The following TNS2 variants were observed in gnomAD, a reference collection of about 807,000 sequenced individuals.
TNS2 encodes tensin 2, also known as tensin-2.
In TNS2, 77 loss-of-function variants were observed where a neutral mutation model predicts 155.7. The observed-to-expected ratio is 0.49, with a 90% CI of 0.41 to 0.60. TNS2 has a LOEUF of 0.60. Ranked by LOEUF, TNS2 falls within the 20% of genes least tolerant of loss-of-function variation. The pLI is 0.00. For missense variants in TNS2, 1,703 were observed against 1,868.8 expected, an observed-to-expected ratio of 0.91 and a Z score of 1.64; for synonymous variants, 726 against 763.9, an observed-to-expected ratio of 0.95 and a Z score of 0.82.
chr12:53,058,515 G>A (rs1469031842), intron 15 of TNS2, 57 bp from the exon 16 acceptor site: 2 of 1,613,868 alleles, frequency 1.2e-6, no homozygotes, highest in Admixed American at 1.7e-5. Context: ...GTGGCAGGCA[G>A]GCAGGAGAGT....
chr12:53,048,601 G>A (rs1156628463), upstream of TNS2, among the ~76,000 whole-genome samples: 3 of 152,172 alleles, frequency 2.0e-5, no homozygotes, highest in East Asian at 1.9e-4. Context: ...CACAGAGCCC[G>A]TGCTCCTCTC....
intron 1 of TNS2, 47 bp from the exon 2 acceptor site, chr12:53,051,808 A>G (rs1392925159): frequency 5.5e-6 from 8 of 1,446,808 alleles, no homozygotes; most frequent in East Asian, 2.3e-5. Context: ...GGAGATGGAG[A>G]TGGGCCCACT....
rs781557117 is a variant in TNS2, at chr12:53,059,865, T to C, written c.2224T>C (p.Cys742Arg). ...CCCGCTGCCTCTGCTCTTGCCTGCC[T>C]GTGGGCATCACCATGCCCCGATGCC... ...GHPLPLLLPA[C>R]GHHHAPMPDY... The change falls in exon 18 of 29, where the codon TGT becomes CGT. Residue 742 changes from cysteine to arginine, a missense_variant. Cys to Arg is a radical substitution (Grantham distance 180). Coordinates refer to ENST00000314250, the MANE Select transcript of TNS2 (RefSeq NM_170754.4). The surrounding 1 kb of genome is among the most constrained non-coding windows in gnomAD (Gnocchi z 4.7). 3.1e-6 allele frequency: 5 copies of C among 1,613,078 alleles called. No homozygotes were observed. Among genetic ancestry groups the C allele is most frequent in the Middle Eastern group, 1.7e-4 (1 of 6,032 alleles).
At chr12:53,054,591 G>T (rs1034682207) in intron 7 of TNS2, 150 bp downstream of exon 7, 38 of 1,071,654 alleles carry the variant, frequency 3.5e-5, no homozygotes, top group Middle Eastern at 3.0e-4. Flanking sequence ...AGCGCGGCCT[G>T]GAGCGGAGCG....
Position 53,054,418 on chromosome 12 carries a change from T to A in TNS2, c.499T>A (p.Ser167Thr). The change falls in exon 7 of 29, where the codon TCC (serine) becomes ACC (threonine). Residue 167 changes from serine (S) to threonine (T), a missense_variant. Coordinates refer to ENST00000314250, the MANE Select transcript of TNS2 (RefSeq NM_170754.4). ...GCGCGAGCTGGCCCATGTGCTGCAA[T>A]CCAAGCACCGGGACAAGTACCTGGT... ...HLRELAHVLQ[S>T]KHRDKYLLFN... 1 of 1,604,624 alleles carries A rather than the reference T, an allele frequency of 6.2e-7. No homozygotes were observed. The highest frequency in any genetic ancestry group is 8.5e-7 in the Non-Finnish European group (1 of 1,177,450).
rs938284635 is a variant in TNS2, at chr12:53,062,681, C to T, written c.3807C>T (p.Leu1269=). The T allele has an allele frequency of 2.5e-6, 4 of 1,613,852 alleles. No individual in the cohort carries two copies. The African/African-American group carries it at 4.0e-5, about 16-fold the overall frequency. ...CCAACATGAGCACAGCGGCAGACCT[C>T]CTGCGTCAGGGTGCTGGTAGAGACT... is the stretch of plus-strand genomic sequence containing the variant. ...VPTNMSTAAD[L]LRQGAACSVL... The change falls in exon 25 of 29, where the codon CTC becomes CTT. Residue 1269 remains leucine (L), a synonymous_variant. Coordinates refer to ENST00000314250, the MANE Select transcript of TNS2 (RefSeq NM_170754.4).
intron 3 of TNS2, 141 bp from the exon 4 acceptor site, chr12:53,053,270 A>C: frequency 1.0e-6 from 1 of 959,568 alleles, no homozygotes. Context: ...GGTGCCCTTA[A>C]ATAGCGCAAC....
chr12:53,052,407 T>TC, intron 2 of TNS2, 48 bp from the exon 3 acceptor site: 1 of 1,612,036 alleles, frequency 6.2e-7, no homozygotes. Context: ...TTCCTTCCAC[T>TC]GTCCCACAGG....
chr12:53,058,247 G>A lies in TNS2; in HGVS notation c.1096-69G>A, dbSNP rs1399955176. 2.5e-6 allele frequency: 4 copies of A among 1,603,376 alleles called. No homozygotes were observed. The East Asian group carries it at 8.9e-5, about 36-fold the overall frequency. ...GAGGCAGGGCAGAAGCTGTGACCAG[G>A]CAGTCCCCAGGGTGGAAGCGCAGAA... On this transcript the variant is annotated intron_variant, in intron 14 of 28. Transcript: ENST00000314250.
chr12:53,058,198 G>T, intron 14 of TNS2, 96 bp downstream of exon 14: 1 of 1,607,448 alleles, frequency 6.2e-7, no homozygotes, highest in Non-Finnish European at 8.5e-7. Flanking sequence ...ATTGGAGAGC[G>T]AGTAGGGAGA....
rs1202373517 is a variant in TNS2, at chr12:53,053,544, C to T, written c.261+95C>T. On this transcript the variant is annotated intron_variant, in intron 4 of 28. Coordinates refer to ENST00000314250, the MANE Select transcript of TNS2 (RefSeq NM_170754.4). ...CCAGAGAGGGCCCCCAGGAGATGAC[C>T]TTGAACGGAGTGCTGTGGGTATTGC... The T allele has an allele frequency of 1.2e-5, 19 of 1,523,756 alleles. No homozygotes were observed. In the East Asian group the frequency reaches 3.9e-4, roughly 31 times the overall value. 94.4% of individuals were successfully genotyped at this position (1,523,756 alleles called of 1,614,324 possible).
rs140534652 is a variant in TNS2, at chr12:53,051,883, G to A, written c.104G>A (p.Arg35Gln). The A allele has an allele frequency of 8.7e-6, 14 of 1,613,464 alleles. No individual in the cohort carries two copies. Among genetic ancestry groups the A allele is most frequent in the African/African-American group, 8.0e-5 (6 of 74,862 alleles). ...AGGAAAGCTGAGCCTCATAGCTTCC[G>A]GGAGAAGGTTTTCCGGAAGAAACCT... ...RPRKAEPHSF[R>Q]EKVFRKKPPV... The change falls in exon 2 of 29, where the codon CGG becomes CAG. Residue 35 changes from arginine (R) to glutamine (Q), a missense_variant. By Grantham distance (43) the Arg-to-Gln change is conservative. Coordinates refer to ENST00000314250, the MANE Select transcript of TNS2 (RefSeq NM_170754.4).
At position 53,059,019 on chromosome 12, in the gene TNS2, T is replaced by C; in HGVS notation, c.1406-28T>C. 2 of 1,534,816 alleles carry C rather than the reference T, an allele frequency of 1.3e-6. No homozygotes were observed. On this transcript the variant is annotated intron_variant, in intron 17 of 28. Transcript: ENST00000314250. This position sits in a 1 kb window ranked among gnomAD's most constrained non-coding sequence, Gnocchi z 4.7. ...CTCCCTCCCTGTTCCCCGCTTGCCC[T>C]CCCTCCCTGATCCTCTTCCCCACTC...
chr12:53,056,989 C>A, intron 10 of TNS2, 24 bp from the exon 11 acceptor site: 2 of 1,608,186 alleles, frequency 1.2e-6, no homozygotes, highest in Non-Finnish European at 8.5e-7. Flanking sequence ...CCCTAATCCC[C>A]AACACTGGCC....
At position 53,050,342 on chromosome 12, in the gene TNS2, G is replaced by T; in HGVS notation, c.75+82G>T. 6.9e-7 allele frequency: 1 copy of T among 1,439,998 alleles called. No individual in the cohort carries two copies. The allele number at this position is 1,439,998 out of a possible 1,614,324, so 89.2% of individuals were successfully genotyped here. A position where few individuals can be genotyped will look rare whatever the true frequency, so the allele number is the denominator to read the frequency against. On this transcript the variant is annotated intron_variant, in intron 1 of 28. Coordinates refer to ENST00000314250, the MANE Select transcript of TNS2 (RefSeq NM_170754.4). The surrounding 1 kb of genome is among the most constrained non-coding windows in gnomAD (Gnocchi z 4.7). The stretch of plus-strand genomic sequence containing the variant: ...GGGGAGGGGACCAGGAATCAGGCCA[G>T]GCCTTCTTCCCAATTTCAGCTTCCT...
In TNS2 at chr12:53,055,175, C is replaced by T. The variant is rs1225074771; in HGVS notation, c.523-11C>T. 1 of 1,613,912 alleles carries T rather than the reference C, an allele frequency of 6.2e-7. No homozygotes were observed. Among genetic ancestry groups the T allele is most frequent in the African/African-American group, 1.3e-5 (1 of 74,868 alleles). Reference sequence around the variant, plus strand: ...ATCATTTCTGTCTAAAGCCCTCCCCCTTTATTTCAGCTCTTCAACCTTTCA... The same window carrying T: ...ATCATTTCTGTCTAAAGCCCTCCCCTTTTATTTCAGCTCTTCAACCTTTCA... On this transcript the variant is annotated splice_polypyrimidine_tract_variant and intron_variant, in intron 7 of 28. Coordinates refer to ENST00000314250, the MANE Select transcript of TNS2 (RefSeq NM_170754.4).
upstream of TNS2, chr12:53,049,017 T>TCCCAGGCC: frequency 1.6e-6 from 1 of 638,738 alleles, no homozygotes; most frequent in East Asian, 3.0e-5. Context: ...GGCTGAAGAC[T>TCCCAGGCC]CCCAGGCCAT....
In TNS2 at chr12:53,062,460, G is replaced by A; in HGVS notation, c.3745+7G>A. On this transcript the variant is annotated splice_region_variant and intron_variant, in intron 24 of 28. Transcript: ENST00000314250. ...CTGCGCATTCCCAGCAAAGGTGAGT[G>A]TCTGGTCATCTGTCCTCCCCACCTC... The A allele has an allele frequency of 2.5e-6, 4 of 1,613,590 alleles. No individual in the cohort carries two copies. The highest frequency in any genetic ancestry group is 1.1e-5 in the South Asian group (1 of 91,054).
chr12:53,058,832 G>C lies in TNS2; in HGVS notation c.1405+5G>C, dbSNP rs552140320. Reference sequence around the variant, plus strand: ...ACCACGAGGACAGTGTGGATGGTGCGCAGGCAGCCTGCAGGGTGGGAGGTA... The same window carrying C: ...ACCACGAGGACAGTGTGGATGGTGCCCAGGCAGCCTGCAGGGTGGGAGGTA... On this transcript the variant is annotated splice_donor_5th_base_variant and intron_variant, in intron 17 of 28. Transcript: ENST00000314250. The C allele has an allele frequency of 6.2e-7, 1 of 1,612,500 alleles. No homozygotes were observed. The highest frequency in any genetic ancestry group is 1.1e-5 in the South Asian group (1 of 91,072).
Sources: allele counts gnomAD v4.1 joint callset (sites outside exome capture counted in the v4.1 genomes callset), GRCh38; gene constraint gnomAD v4.1.1; non-coding constraint Gnocchi (gnomAD v3.1); transcripts MANE v1.5; gene names NCBI Gene and HGNC (gene_info 2026-07-23, HGNC 2026-07-21).